Variants in CERT1 observed in about 807,000 individuals in gnomAD.
CERT1 encodes ceramide transfer protein.
Under a neutral mutation model 87.9 loss-of-function variants are expected in CERT1, and 31 were observed. The observed-to-expected ratio is 0.35, with a 90% confidence interval of 0.27 to 0.48. The LOEUF (loss-of-function observed/expected upper bound fraction) is 0.48, where lower values mean the gene tolerates loss of function less well. CERT1 is among the 20% of genes least tolerant of loss of function. The pLI, the probability that CERT1 is intolerant of heterozygous loss-of-function variation, is 0.99. For synonymous variants in CERT1, 289 were observed against 250.9 expected (o/e 1.15, Z -1.44); for missense variants, 487 against 758.0 (o/e 0.64, Z 4.20).
chr5:75,472,721 T>C lies in CERT1; in HGVS notation c.232-13540A>G, dbSNP rs1580819781. Among the ~76,000 whole-genome samples the C allele has an allele frequency of 2.0e-5, 3 of 152,184 alleles. No individual in the cohort carries two copies. In the East Asian group the frequency reaches 5.8e-4, roughly 29 times the overall value. On this transcript the variant is annotated intron_variant, in intron 2 of 16. Coordinates refer to ENST00000643780, the MANE Select transcript of CERT1 (RefSeq NM_001379029.1). ...AAATGAAAACCATAATGAGATATTA[T>C]CTCCTGTTGAAATGGCTATTAGCAA...
intron 2 of CERT1, among the ~76,000 whole-genome samples, chr5:75,499,498 T>C (rs1767243465): frequency 6.6e-6 from 1 of 152,146 alleles, no homozygotes; most frequent in Non-Finnish European, 1.5e-5. Context: ...TGGGAAGAAG[T>C]GCCTTCTGCC....
intron 2 of CERT1, among the ~76,000 whole-genome samples, chr5:75,492,592 G>A (rs1359728811): frequency 1.3e-5 from 2 of 152,130 alleles, no homozygotes; most frequent in African/African-American, 4.8e-5. Flanking sequence ...TATAAGGCAT[G>A]TTCATATGTT....
At chr5:75,489,913 T>C (rs1766696410) in intron 2 of CERT1, among the ~76,000 whole-genome samples, 1 of 152,196 alleles carries the variant, frequency 6.6e-6, no homozygotes, top group Non-Finnish European at 1.5e-5. Flanking sequence ...GACACATGCA[T>C]ACGTATGTTT....
rs60871517 is a variant in CERT1, at chr5:75,467,220, T to C, written c.232-8039A>G. 1.3e-4 allele frequency among the ~76,000 whole-genome samples: 20 copies of C among 152,338 alleles called. No individual in the cohort carries two copies. In the East Asian group the frequency reaches 3.7e-3, roughly 28 times the overall value. On this transcript the variant is annotated intron_variant, in intron 2 of 16. Coordinates refer to ENST00000643780, the MANE Select transcript of CERT1 (RefSeq NM_001379029.1). ...AATAAGCCAATCTCAAAAAGCTATA[T>C]ACTGTATGATTCCACTTTTATAAAA... is the stretch of plus-strand genomic sequence containing the variant.
At chr5:75,434,210 T>C (rs1192281783) in intron 3 of CERT1, among the ~76,000 whole-genome samples, 2 of 148,062 alleles carry the variant, frequency 1.4e-5, no homozygotes, top group Middle Eastern at 6.8e-3. Flanking sequence ...TTTTTTATCA[T>C]GAAGGGATGT....
intron 2 of CERT1, among the ~76,000 whole-genome samples, chr5:75,493,325 T>C (rs571686245): frequency 1.6e-4 from 24 of 152,338 alleles, no homozygotes; most frequent in African/African-American, 5.5e-4. Flanking sequence ...ATTTCATCTG[T>C]AGACATGTAA....
intron 2 of CERT1, among the ~76,000 whole-genome samples, chr5:75,502,360 G>A (rs574533782): frequency 1.3e-5 from 2 of 152,260 alleles, no homozygotes; most frequent in Non-Finnish European, 2.9e-5. Context: ...TAGGAGTGAG[G>A]AGTGGTACTC....
chr5:75,409,655 T>C (rs1762848544), intron 8 of CERT1, among the ~76,000 whole-genome samples: 1 of 151,734 alleles, frequency 6.6e-6, no homozygotes, highest in African/African-American at 2.4e-5. Context: ...GCCTCCCGAG[T>C]AGCTGGGACA....
At chr5:75,511,858 T>C, upstream of CERT1, 1 of 1,535,338 alleles carries the variant, frequency 6.5e-7, no homozygotes, top group African/African-American at 1.4e-5. Context: ...GGGAAGGGCG[T>C]TGGTCCGTCG....
At chr5:75,407,944 T>C (rs145769866) in intron 8 of CERT1, among the ~76,000 whole-genome samples, 11 of 150,202 alleles carry the variant, frequency 7.3e-5, no homozygotes, top group South Asian at 2.1e-4. Flanking sequence ...AATTTTTAAG[T>C]GTATAGTACA....
At position 75,511,534 on chromosome 5, in the gene CERT1, A is replaced by G. The variant is rs1386477665; in HGVS notation, c.-327T>C. The G allele has an allele frequency of 6.1e-6, 9 of 1,463,842 alleles. No individual in the cohort carries two copies. In the South Asian group the frequency reaches 1.1e-4, roughly 18 times the overall value. 90.7% of individuals were successfully genotyped at this position (1,463,842 alleles called of 1,614,324 possible). On this transcript the variant is annotated 5_prime_UTR_variant, in exon 1 of 17. Coordinates refer to ENST00000643780, the MANE Select transcript of CERT1 (RefSeq NM_001379029.1). ...GATGCCAATTTCAAATAGGGAAGGAAAAGGGAAAAGAAGGGAAGAGAAAAT... is the reference window on the plus strand; with the variant it reads ...GATGCCAATTTCAAATAGGGAAGGAGAAGGGAAAAGAAGGGAAGAGAAAAT...
chr5:75,438,273 A>T (rs940648033), intron 3 of CERT1, among the ~76,000 whole-genome samples: 1 of 152,238 alleles, frequency 6.6e-6, no homozygotes, highest in African/African-American at 2.4e-5. Flanking sequence ...AAGAAAAGTT[A>T]TCAAACTGTT....
At chr5:75,408,084 G>T (rs1324784611) in intron 8 of CERT1, among the ~76,000 whole-genome samples, 1 of 152,126 alleles carries the variant, frequency 6.6e-6, no homozygotes, top group South Asian at 2.1e-4. Flanking sequence ...ATTCTTAATA[G>T]GAGCCATTTA....
At chr5:75,463,486 T>A (rs1003757869) in intron 2 of CERT1, among the ~76,000 whole-genome samples, 42 of 152,062 alleles carry the variant, frequency 2.8e-4, no homozygotes, top group Non-Finnish European at 8.8e-5. Flanking sequence ...GACAAAAAAA[T>A]TTCAAAAGGT....
At chr5:75,398,304 G>C (rs1296919772) in intron 11 of CERT1, among the ~76,000 whole-genome samples, 2 of 152,094 alleles carry the variant, frequency 1.3e-5, no homozygotes, top group South Asian at 4.1e-4. Flanking sequence ...TACTCTCACA[G>C]AGGAAAAAAT....
Position 75,385,925 on chromosome 5 carries a change from A to G in CERT1, c.1394T>C (p.Val465Ala), listed in dbSNP as rs746481257. Reference sequence around the variant, plus strand: ...ACTTTCCCAGTCATTGCGAACGTCAACATTCCAGAAATAATTGCAGACTTC... The same window carrying G: ...ACTTTCCCAGTCATTGCGAACGTCAGCATTCCAGAAATAATTGCAGACTTC... ...GHEVCNYFWN[V>A]DVRNDWETTI... The change falls in exon 13 of 17, where the codon GTT (valine) becomes GCT (alanine). Residue 465 changes from valine (V) to alanine (A), a missense_variant. Around this residue, in one of 8 missense-constraint regions of CERT1, gnomAD observed 147 missense variants for 200.8 expected, o/e 0.73. Transcript: ENST00000643780. 4 of 1,555,516 alleles carry G rather than the reference A, an allele frequency of 2.6e-6. No individual in the cohort carries two copies. The highest frequency in any genetic ancestry group is 3.5e-6 in the Non-Finnish European group (4 of 1,154,108).
rs561000867 is a variant in CERT1, at chr5:75,446,736, T to A, written c.348+12329A>T. 6.6e-5 allele frequency among the ~76,000 whole-genome samples: 10 copies of A among 152,314 alleles called. No individual in the cohort carries two copies. In the South Asian group the frequency reaches 2.1e-3, roughly 32 times the overall value. On this transcript the variant is annotated intron_variant, in intron 3 of 16. Transcript: ENST00000643780. ...CTGAGGTGGAAAGGTAAGGTCTTCT[T>A]CGGATTTTTTCTAGCCCTGCACCTT...
chr5:75,372,505 C>A (rs1008069173), intron 17 of CERT1: 1 of 152,078 alleles, frequency 6.6e-6, no homozygotes, highest in African/African-American at 2.4e-5. Context: ...CACTTTTCCA[C>A]GTAGTCAAAT....
At chr5:75,450,312 G>C (rs1158444624) in intron 3 of CERT1, among the ~76,000 whole-genome samples, 1 of 152,032 alleles carries the variant, frequency 6.6e-6, no homozygotes, top group Non-Finnish European at 1.5e-5. Flanking sequence ...TTCAGGCACG[G>C]GGCTGACCAG....
Sources: allele counts gnomAD v4.1 joint callset (sites outside exome capture counted in the v4.1 genomes callset), GRCh38; gene constraint gnomAD v4.1.1; regional missense constraint gnomAD v4.1.1; transcripts MANE v1.5; gene names NCBI Gene and HGNC (gene_info 2026-07-23, HGNC 2026-07-21).